Variants in TYR observed in about 807,000 individuals in gnomAD.
TYR encodes the protein tyrosinase.
In TYR, 58 loss-of-function variants were observed where a neutral mutation model predicts 51.5. The ratio of observed to expected loss-of-function variants is 1.13; its 90% CI spans 0.91 to 1.40. The LOEUF (loss-of-function observed/expected upper bound fraction) is 1.40, where lower values mean the gene tolerates loss of function less well. Among genes scored for constraint, TYR ranks in the 40% most tolerant of loss-of-function variants. The pLI is 0.00. For synonymous variants in TYR, 263 were observed against 235.2 expected (o/e 1.12, Z -1.08); for missense variants, 732 against 647.4 (o/e 1.13, Z -1.42).
intron 3 of TYR, among the ~76,000 whole-genome samples, chr11:89,270,528 A>G (rs475629): frequency 0.016 from 2,445 of 151,928 alleles, 65 homozygotes; most frequent in African/African-American, 0.056. Context: ...TGCTTATTAC[A>G]TGCCAGGCAC....
intron 3 of TYR, among the ~76,000 whole-genome samples, chr11:89,230,347 AC>A (rs1400920532): frequency 1.3e-5 from 2 of 152,120 alleles, no homozygotes; most frequent in African/African-American, 4.8e-5. Flanking sequence ...ATGAAATTGG[AC>A]CCATATCTAA....
intron 3 of TYR, among the ~76,000 whole-genome samples, chr11:89,256,739 G>T (rs1050380506): frequency 1.3e-5 from 2 of 151,830 alleles, no homozygotes; most frequent in African/African-American, 2.4e-5. Context: ...TTTGGGAAGG[G>T]CTTCAAAAAC....
chr11:89,292,875 A>G (rs1211901977), intron 4 of TYR, among the ~76,000 whole-genome samples: 2 of 152,166 alleles, frequency 1.3e-5, no homozygotes, highest in South Asian at 2.1e-4. Context: ...CCCATGAATC[A>G]TTACCTTTTA....
At chr11:89,184,851 G>A (rs1943348935) in intron 1 of TYR, among the ~76,000 whole-genome samples, 1 of 152,056 alleles carries the variant, frequency 6.6e-6, no homozygotes, top group Non-Finnish European at 1.5e-5. Context: ...CTTAAGTTAT[G>A]TCTTAGTGAC....
chr11:89,276,440 G>A (rs1319359350), intron 3 of TYR, among the ~76,000 whole-genome samples: 1 of 151,758 alleles, frequency 6.6e-6, no homozygotes, highest in Non-Finnish European at 1.5e-5. Context: ...AGAAGCAGAA[G>A]AACTGGGTTC....
At chr11:89,234,788 C>T (rs1428617219) in intron 3 of TYR, among the ~76,000 whole-genome samples, 1 of 151,968 alleles carries the variant, frequency 6.6e-6, no homozygotes, top group Non-Finnish European at 1.5e-5. Flanking sequence ...ACCATGGTCA[C>T]GTCAAAGATT....
intron 2 of TYR, among the ~76,000 whole-genome samples, chr11:89,218,510 T>C (rs915154204): frequency 2.0e-5 from 3 of 152,126 alleles, no homozygotes; most frequent in Non-Finnish European, 2.9e-5. Context: ...TTATGGATGA[T>C]CTGATATCAC....
At chr11:89,247,763 G>A (rs2135296902) in intron 3 of TYR, among the ~76,000 whole-genome samples, 1 of 152,284 alleles carries the variant, frequency 6.6e-6, no homozygotes, top group Middle Eastern at 3.4e-3. Flanking sequence ...TTGCCCTGCA[G>A]ATTAGGAGAT....
chr11:89,255,303 A>G (rs1372717452), intron 3 of TYR, among the ~76,000 whole-genome samples: 1 of 151,750 alleles, frequency 6.6e-6, no homozygotes, highest in Non-Finnish European at 1.5e-5. Flanking sequence ...GTTGGGTTGA[A>G]AGTTCTGTAA....
At chr11:89,182,199 T>G (rs1213877316) in intron 1 of TYR, among the ~76,000 whole-genome samples, 1 of 152,214 alleles carries the variant, frequency 6.6e-6, no homozygotes, top group East Asian at 1.9e-4. Context: ...CTAAATATTT[T>G]TGTATCCACA....
chr11:89,177,946 G>C lies in TYR; in HGVS notation c.-8G>C. 2 of 1,613,824 alleles carry C rather than the reference G, an allele frequency of 1.2e-6. No individual in the cohort carries two copies. Among genetic ancestry groups the C allele is most frequent in the Non-Finnish European group, 1.7e-6 (2 of 1,179,960 alleles). ...GTTCCTGCAGACCTTGTGAGGACTAGAGGAAGAATGCTCCTGGCTGTTTTG... is the reference window on the plus strand; with the variant it reads ...GTTCCTGCAGACCTTGTGAGGACTACAGGAAGAATGCTCCTGGCTGTTTTG... On this transcript the variant is annotated 5_prime_UTR_variant, in exon 1 of 5. Coordinates refer to ENST00000263321, the MANE Select transcript of TYR (RefSeq NM_000372.5).
chr11:89,186,619 G>C (rs771014436), intron 1 of TYR, among the ~76,000 whole-genome samples: 12 of 152,222 alleles, frequency 7.9e-5, no homozygotes, highest in Non-Finnish European at 1.5e-4. Flanking sequence ...TGATTTGTTG[G>C]TTCAGAGTAA....
At chr11:89,194,359 G>A (rs1048351260) in intron 2 of TYR, among the ~76,000 whole-genome samples, 3 of 152,128 alleles carry the variant, frequency 2.0e-5, no homozygotes, top group African/African-American at 4.8e-5. Flanking sequence ...TTCTGAGATG[G>A]TGTCACATCT....
At chr11:89,253,527 C>G (rs1192387551) in intron 3 of TYR, among the ~76,000 whole-genome samples, 2 of 151,768 alleles carry the variant, frequency 1.3e-5, no homozygotes, top group Admixed American at 6.6e-5. Context: ...TTCTAGAGGT[C>G]TTTCACCTCG....
chr11:89,188,044 A>G (rs950189326), intron 1 of TYR, among the ~76,000 whole-genome samples: 1 of 150,626 alleles, frequency 6.6e-6, no homozygotes, highest in Non-Finnish European at 1.5e-5. Context: ...ATTATATATA[A>G]TATTTTATTT....
intron 2 of TYR, among the ~76,000 whole-genome samples, chr11:89,227,309 G>A (rs971386381): frequency 6.6e-6 from 1 of 152,060 alleles, no homozygotes; most frequent in African/African-American, 2.4e-5. Context: ...GACACATTAT[G>A]AACTGATATG....
rs982017473 is a variant in TYR, at chr11:89,193,646, C to A, written c.1036+2228C>A. Reference sequence around the variant, plus strand: ...GCATCTAAACCACCACTTACCTTATCCATGCCTGTTGTATGAAGTCCATGT... The same window carrying A: ...GCATCTAAACCACCACTTACCTTATACATGCCTGTTGTATGAAGTCCATGT... On this transcript the variant is annotated intron_variant, in intron 2 of 4. Coordinates refer to ENST00000263321, the MANE Select transcript of TYR (RefSeq NM_000372.5). Among the ~76,000 whole-genome samples the A allele has an allele frequency of 3.9e-4, 59 of 152,038 alleles. 1 individual carries two copies. Among genetic ancestry groups the A allele is most frequent in the Non-Finnish European group, 8.8e-5 (6 of 67,988 alleles).
chr11:89,249,650 A>C (rs920610681), intron 3 of TYR, among the ~76,000 whole-genome samples: 10 of 152,066 alleles, frequency 6.6e-5, no homozygotes, highest in African/African-American at 2.2e-4. Context: ...ATTCTAAACA[A>C]AACTTTTGAA....
At chr11:89,287,821 A>T (rs773407197) in intron 4 of TYR, among the ~76,000 whole-genome samples, 30 of 152,008 alleles carry the variant, frequency 2.0e-4, no homozygotes, top group Non-Finnish European at 3.7e-4. Flanking sequence ...TGCTATTATA[A>T]GAGTCTGAGG....
Sources: allele counts gnomAD v4.1 joint callset (sites outside exome capture counted in the v4.1 genomes callset), GRCh38; gene constraint gnomAD v4.1.1; transcripts MANE v1.5; gene names NCBI Gene and HGNC (gene_info 2026-07-23, HGNC 2026-07-21).